NTNG1: variants seen among roughly 807,000 people sequenced by gnomAD.
NTNG1 encodes netrin-G1.
Under a neutral mutation model 54.0 loss-of-function variants are expected in NTNG1, and 16 were observed. The ratio of observed to expected loss-of-function variants is 0.30; its 90% CI spans 0.20 to 0.45. The LOEUF (loss-of-function observed/expected upper bound fraction) is 0.45. NTNG1 is among the 20% of genes least tolerant of loss of function. NTNG1 has a pLI of 1.00. For missense variants in NTNG1, 530 were observed against 678.7 expected (o/e 0.78, Z 2.43); for synonymous variants, 255 against 263.1 (o/e 0.97, Z 0.30).
chr1:107,341,582 A>G (rs1228521701), intron 3 of NTNG1, among the ~76,000 whole-genome samples: 1 of 152,010 alleles, frequency 6.6e-6, no homozygotes, highest in Non-Finnish European at 1.5e-5. Flanking sequence ...CTACTTTGAC[A>G]TTTTGCATGG....
intron 2 of NTNG1, among the ~76,000 whole-genome samples, chr1:107,232,296 T>C (rs1186823973): frequency 5.3e-5 from 8 of 152,218 alleles, no homozygotes; most frequent in Non-Finnish European, 1.0e-4. Context: ...CAACAAAGTA[T>C]TGGTTATACC....
intron 7 of NTNG1, 120 bp downstream of exon 7, chr1:107,436,919 A>G: frequency 1.1e-6 from 1 of 927,368 alleles, no homozygotes; most frequent in Non-Finnish European, 1.6e-6. Context: ...AAGTTTTAAA[A>G]GCTACTTAAT....
intron 4 of NTNG1, among the ~76,000 whole-genome samples, chr1:107,402,663 A>G (rs2101121364): frequency 6.6e-6 from 1 of 152,224 alleles, no homozygotes; most frequent in South Asian, 2.1e-4. Flanking sequence ...GAGACAACTC[A>G]CTGCATCTCC....
intron 3 of NTNG1, among the ~76,000 whole-genome samples, chr1:107,331,447 G>A (rs1668275341): frequency 6.6e-6 from 1 of 151,848 alleles, no homozygotes; most frequent in Non-Finnish European, 1.5e-5. Flanking sequence ...TGTGTGATTG[G>A]GCTCATTTGT....
At chr1:107,151,370 T>C (rs1353276685) in intron 2 of NTNG1, among the ~76,000 whole-genome samples, 4 of 152,076 alleles carry the variant, frequency 2.6e-5, no homozygotes, top group Non-Finnish European at 5.9e-5. Flanking sequence ...TAGCCCAGGG[T>C]GTAATGGGGA....
intron 3 of NTNG1, among the ~76,000 whole-genome samples, chr1:107,356,472 T>G (rs371519500): frequency 5.3e-5 from 8 of 152,136 alleles, no homozygotes; most frequent in African/African-American, 1.7e-4. Context: ...TTTTGTATTC[T>G]TAGTAGAGAC....
At chr1:107,431,482 C>G (rs564076953) in intron 6 of NTNG1, among the ~76,000 whole-genome samples, 1 of 152,136 alleles carries the variant, frequency 6.6e-6, no homozygotes, top group East Asian at 1.9e-4. Flanking sequence ...TCCTACAGCT[C>G]CCAAAAAGGA....
intron 2 of NTNG1, among the ~76,000 whole-genome samples, chr1:107,157,993 C>T (rs1655126875): frequency 6.6e-6 from 1 of 152,034 alleles, no homozygotes; most frequent in South Asian, 2.1e-4. Flanking sequence ...GAGACATAAT[C>T]TTAGGGCTGG....
At chr1:107,144,498 G>A (rs948922907) in intron 1 of NTNG1, among the ~76,000 whole-genome samples, 8 of 152,026 alleles carry the variant, frequency 5.3e-5, no homozygotes, top group African/African-American at 1.9e-4. Flanking sequence ...CTTCCTCTCA[G>A]TTGATGAAAC....
chr1:107,376,423 AAAAAAC>A (rs1322259411), intron 3 of NTNG1, among the ~76,000 whole-genome samples: 3 of 151,272 alleles, frequency 2.0e-5, no homozygotes, highest in East Asian at 1.9e-4. Context: ...AAAACAAAAA[AAAAAAC>A]AAAAAAAAAA....
At chr1:107,439,799 C>T (rs922185465) in intron 7 of NTNG1, among the ~76,000 whole-genome samples, 2 of 152,014 alleles carry the variant, frequency 1.3e-5, no homozygotes, top group African/African-American at 4.8e-5. Context: ...GTCACAGTAG[C>T]ATGCCACTAG....
At chr1:107,293,197 T>C (rs1349338278) in intron 2 of NTNG1, among the ~76,000 whole-genome samples, 1 of 152,136 alleles carries the variant, frequency 6.6e-6, no homozygotes, top group East Asian at 1.9e-4. Flanking sequence ...TTATTTACAA[T>C]AAGGAAAAAT....
At chr1:107,304,880 C>T (rs1379482918) in intron 2 of NTNG1, among the ~76,000 whole-genome samples, 2 of 152,118 alleles carry the variant, frequency 1.3e-5, no homozygotes. Context: ...TGCTATCCCT[C>T]CCCTAGCCCT....
intron 2 of NTNG1, among the ~76,000 whole-genome samples, chr1:107,149,286 A>T (rs1654379846): frequency 6.6e-6 from 1 of 152,194 alleles, no homozygotes; most frequent in East Asian, 1.9e-4. Flanking sequence ...AGGAGAGACT[A>T]GATCTCATAA....
chr1:107,181,482 T>C (rs1657058681), intron 2 of NTNG1, among the ~76,000 whole-genome samples: 2 of 137,596 alleles, frequency 1.5e-5, no homozygotes, highest in African/African-American at 5.3e-5. Context: ...AAGTGTTGGT[T>C]AACTTATATG....
chr1:107,305,203 G>T (rs1053218487), intron 2 of NTNG1, among the ~76,000 whole-genome samples: 2 of 152,172 alleles, frequency 1.3e-5, no homozygotes, highest in Non-Finnish European at 2.9e-5. Context: ...ACATCCATGT[G>T]CATGTGTCTT....
In NTNG1 at chr1:107,141,047, G is replaced by A. The variant is rs1348884717; in HGVS notation, c.-619G>A. On this transcript the variant is annotated 5_prime_UTR_variant, in exon 1 of 8. Transcript: ENST00000370068. ...AAAGTCACTGATCTTTTGCATTTCG[G>A]AAGAGGACGTCAACGGGAAGGAATT... is the stretch of plus-strand genomic sequence containing the variant. 1.3e-5 allele frequency: 2 copies of A among 152,518 alleles called. No individual in the cohort carries two copies. Among genetic ancestry groups the A allele is most frequent in the South Asian group, 4.1e-4 (2 of 4,826 alleles). The allele number at this position is 152,518 out of a possible 1,614,324, so 9.4% of individuals were successfully genotyped here.
At chr1:107,440,901 A>G (rs1675923619) in intron 7 of NTNG1, among the ~76,000 whole-genome samples, 1 of 152,154 alleles carries the variant, frequency 6.6e-6, no homozygotes, top group East Asian at 1.9e-4. Flanking sequence ...CTAAACCACT[A>G]GAATGAATGG....
intron 2 of NTNG1, among the ~76,000 whole-genome samples, chr1:107,215,821 G>A (rs1277640459): frequency 1.4e-4 from 21 of 151,016 alleles, no homozygotes. Context: ...CTTTCAGCAG[G>A]GTTTTGTAGG....
Sources: gnomAD v4.1 joint callset for allele counts (sites outside exome capture counted in the v4.1 genomes callset) on GRCh38, gnomAD v4.1.1 for gene constraint, MANE v1.5 for transcripts, NCBI Gene and HGNC (gene_info 2026-07-23, HGNC 2026-07-21) for gene names.